Variants in TMCO1 observed in about 807,000 individuals in gnomAD.
The protein encoded by TMCO1 is calcium load-activated calcium channel.
A neutral mutation model predicts 29.3 loss-of-function variants in TMCO1; 29 were observed. The ratio of observed to expected loss-of-function variants is 0.99; its 90% CI spans 0.74 to 1.35. The LOEUF is 1.35. Among genes scored for constraint, TMCO1 ranks in the 40% most tolerant of loss-of-function variants. TMCO1 has a pLI of 0.00. For missense variants in TMCO1, 173 were observed against 225.5 expected, an observed-to-expected ratio of 0.77 and a Z score of 1.49; for synonymous variants, 80 against 77.1, an observed-to-expected ratio of 1.04 and a Z score of -0.20.
chr1:165,767,201 C>A (rs540003633), intron 2 of TMCO1, among the ~76,000 whole-genome samples: 2 of 151,962 alleles, frequency 1.3e-5, no homozygotes, highest in African/African-American at 4.8e-5. Context: ...AAACTTCAAA[C>A]CCCTATGAAG....
intron 3 of TMCO1, 101 bp from the exon 4 acceptor site, chr1:165,754,375 C>A: frequency 1.1e-6 from 1 of 891,896 alleles, no homozygotes; most frequent in South Asian, 1.4e-5. Flanking sequence ...CACTCTATCT[C>A]AATATCATTT....
intron 1 of TMCO1, 175 bp from the exon 2 acceptor site, chr1:165,768,444 T>C: frequency 6.5e-7 from 1 of 1,527,702 alleles, no homozygotes; most frequent in Non-Finnish European, 8.8e-7. Context: ...AGTAACATGA[T>C]GTGAAGGTGT....
At chr1:165,734,943 C>T (rs1651312358) in intron 6 of TMCO1, among the ~76,000 whole-genome samples, 1 of 152,156 alleles carries the variant, frequency 6.6e-6, no homozygotes, top group African/African-American at 2.4e-5. Flanking sequence ...AAAACGGAAG[C>T]TCCCTTCTGG....
intron 5 of TMCO1, among the ~76,000 whole-genome samples, chr1:165,750,964 G>A (rs1249757819): frequency 6.6e-6 from 1 of 152,120 alleles, no homozygotes; most frequent in Non-Finnish European, 1.5e-5. Context: ...CAGCTACTCG[G>A]GAGGCTGAGG....
chr1:165,768,268 G>A lies in TMCO1; in HGVS notation c.72C>T (p.Gly24=), dbSNP rs1571236297. The A allele has an allele frequency of 6.2e-7, 1 of 1,613,138 alleles. No individual in the cohort carries two copies. The highest frequency in any genetic ancestry group is 8.5e-7 in the Non-Finnish European group (1 of 1,179,236). The change falls in exon 2 of 7, where the codon GGC becomes GGT. Residue 24 remains glycine (G), a splice_region_variant and synonymous_variant. Transcript: ENST00000367881. ...TCCTGTAAACCAGGACCCAGGTTAT[G>A]CCTAAAACATTAAAAGCAACATGTT... is the stretch of plus-strand genomic sequence containing the variant. The part of the protein sequence containing the change: ...ISVCTALLAE[G]ITWVLVYRTD...
chr1:165,741,179 A>G (rs746178712), intron 6 of TMCO1, among the ~76,000 whole-genome samples: 1 of 152,138 alleles, frequency 6.6e-6, no homozygotes, highest in Non-Finnish European at 1.5e-5. Flanking sequence ...AAAATAAAAA[A>G]CCTGAAAGTC....
intron 3 of TMCO1, among the ~76,000 whole-genome samples, chr1:165,756,420 T>C (rs1652194394): frequency 6.6e-6 from 1 of 152,190 alleles, no homozygotes; most frequent in African/African-American, 2.4e-5. Flanking sequence ...AACCACTTAG[T>C]TCAGCTTTGC....
chr1:165,760,375 G>A (rs1652354966), intron 2 of TMCO1, among the ~76,000 whole-genome samples: 2 of 150,080 alleles, frequency 1.3e-5, no homozygotes, highest in African/African-American at 2.5e-5. Flanking sequence ...AGGTTGCAGT[G>A]AGTTTAGATC....
chr1:165,764,453 A>G (rs1652501174), intron 2 of TMCO1, among the ~76,000 whole-genome samples: 2 of 152,200 alleles, frequency 1.3e-5, no homozygotes, highest in Non-Finnish European at 1.5e-5. Flanking sequence ...GATAAATCAT[A>G]AACTATGATA....
intron 6 of TMCO1, among the ~76,000 whole-genome samples, chr1:165,735,347 G>A (rs1053989321): frequency 2.6e-5 from 4 of 152,090 alleles, no homozygotes; most frequent in African/African-American, 9.7e-5. Flanking sequence ...TGTGAAGAGT[G>A]TCTAAAACTC....
At chr1:165,747,498 A>C (rs1301012933) in intron 5 of TMCO1, among the ~76,000 whole-genome samples, 1 of 152,222 alleles carries the variant, frequency 6.6e-6, no homozygotes, top group Non-Finnish European at 1.5e-5. Context: ...AAAACTCAGA[A>C]GGGATTATTT....
rs538790412 is a variant in TMCO1 at position 165,754,203 on chromosome 1, A to G, written c.255+25T>C. 6 of 1,592,524 alleles carry G rather than the reference A, an allele frequency of 3.8e-6. No individual in the cohort carries two copies. In the East Asian group the frequency reaches 9.0e-5, roughly 24 times the overall value. On this transcript the variant is annotated intron_variant, in intron 4 of 6. Transcript: ENST00000367881. ...TGCTAAAAATATTATGTGGTTAACC[A>G]TGAAGTTATAGTTAGGTCTCTTACC...
chr1:165,760,576 G>C (rs1385292136), intron 2 of TMCO1, among the ~76,000 whole-genome samples: 1 of 152,102 alleles, frequency 6.6e-6, no homozygotes, highest in Non-Finnish European at 1.5e-5. Context: ...GGCCGAGGTG[G>C]GCAGATCATG....
intron 6 of TMCO1, among the ~76,000 whole-genome samples, chr1:165,732,532 T>C (rs1651211256): frequency 6.6e-6 from 1 of 150,512 alleles, no homozygotes; most frequent in African/African-American, 2.4e-5. Flanking sequence ...AACATACACA[T>C]ATAAAATATA....
At chr1:165,768,613 T>C in intron 1 of TMCO1, 69 bp downstream of exon 1, 7 of 1,612,126 alleles carry the variant, frequency 4.3e-6, no homozygotes, top group Non-Finnish European at 5.9e-6. Flanking sequence ...TTTCCCCTGG[T>C]GGCACAGGGG....
In TMCO1 at chr1:165,764,502, T is replaced by G. The variant is rs527860467; in HGVS notation, c.148+3690A>C. 1.9e-4 allele frequency among the ~76,000 whole-genome samples: 29 copies of G among 152,278 alleles called. No individual in the cohort carries two copies. In the South Asian group the frequency reaches 6.0e-3, roughly 32 times the overall value. On this transcript the variant is annotated intron_variant, in intron 2 of 6. Transcript: ENST00000367881. ...CTGTCTGGGAGACTGGATAAGGCTT[T>G]GAGATCTGAAGAATGAGTAGGAGTT...
downstream of TMCO1, chr1:165,725,615 G>A (rs1338127502): frequency 2.2e-6 from 1 of 454,062 alleles, no homozygotes; most frequent in East Asian, 7.0e-5. Context: ...TATGTGTTAT[G>A]AGAGATGTTC....
In TMCO1 at chr1:165,736,996, G is replaced by A. The variant is rs552603174; in HGVS notation, c.468+6171C>T. On this transcript the variant is annotated intron_variant, in intron 6 of 6. Coordinates refer to ENST00000367881, the MANE Select transcript of TMCO1 (RefSeq NM_019026.6). Reference sequence around the variant, plus strand: ...TAATTTTTGTATTTTTTGTAGAGATGAGATTTTGCTCTGTTATCCAGGCTG... The same window carrying A: ...TAATTTTTGTATTTTTTGTAGAGATAAGATTTTGCTCTGTTATCCAGGCTG... Among the ~76,000 whole-genome samples, 19 of 152,238 alleles carry A rather than the reference G, an allele frequency of 1.2e-4. No homozygotes were observed. In the East Asian group the frequency reaches 2.9e-3, roughly 23 times the overall value.
rs578069424 is a variant in TMCO1, at chr1:165,745,854, T to G, written c.324-2543A>C. Among the ~76,000 whole-genome samples, 3 of 152,242 alleles carry G rather than the reference T, an allele frequency of 2.0e-5. No homozygotes were observed. The South Asian group carries it at 6.2e-4, about 32-fold the overall frequency. On this transcript the variant is annotated intron_variant, in intron 5 of 6. Transcript: ENST00000367881. Reference sequence around the variant, plus strand: ...GGGTACAAAGACCAGAACAAAAACATGAATACAGCACTAATATTGGTAAAA... The same window carrying G: ...GGGTACAAAGACCAGAACAAAAACAGGAATACAGCACTAATATTGGTAAAA...
Sources: gnomAD v4.1 joint callset for allele counts (sites outside exome capture counted in the v4.1 genomes callset) on GRCh38, gnomAD v4.1.1 for gene constraint, MANE v1.5 for transcripts, NCBI Gene and HGNC (gene_info 2026-07-23, HGNC 2026-07-21) for gene names.